The following DENND4A variants were observed in gnomAD, a reference collection of about 807,000 sequenced individuals.
The protein encoded by DENND4A is DENN domain containing 4A, also known as C-myc promoter-binding protein.
In DENND4A, 70 loss-of-function variants were observed where a neutral mutation model predicts 199.3. The ratio of observed to expected loss-of-function variants is 0.35; its 90% confidence interval spans 0.29 to 0.43. The LOEUF (loss-of-function observed/expected upper bound fraction) is 0.43. Among genes scored for constraint, DENND4A ranks in the 20% least tolerant of loss-of-function variants. The pLI is 1.00. For missense variants in DENND4A, 1,723 were observed against 2,255.8 expected, an observed-to-expected ratio of 0.76 and a Z score of 4.78; for synonymous variants, 686 against 766.9, an observed-to-expected ratio of 0.89 and a Z score of 1.74.
At chr15:65,681,939 T>C (rs970671796) in intron 23 of DENND4A, among the ~76,000 whole-genome samples, 3 of 152,228 alleles carry the variant, frequency 2.0e-5, no homozygotes, top group African/African-American at 4.8e-5. Context: ...GAAATAAATA[T>C]ATTTTTTCTG....
rs756713180 is a variant in DENND4A, at chr15:65,722,930, A to G, written c.1506T>C (p.Asn502=). Residue 502 remains asparagine (N), a synonymous_variant, in exon 12 of 33, where the codon AAT becomes AAC. Transcript: ENST00000443035. ...TCTTTGGAAGTATCTTCCAGGCTAC[A>G]TTTTTCTTGTCACCAATTCTAAGAT... ...NTISQIGDKK[N]VAWKILPKKP... 9 of 1,606,258 alleles carry G rather than the reference A, an allele frequency of 5.6e-6. No individual in the cohort carries two copies. The South Asian group carries it at 8.9e-5, about 16-fold the overall frequency.
chr15:65,703,407 T>C (rs2074940762), intron 15 of DENND4A, among the ~76,000 whole-genome samples: 1 of 152,220 alleles, frequency 6.6e-6, no homozygotes, highest in Non-Finnish European at 1.5e-5. Context: ...ATTAATGTCA[T>C]TGCTTTGGAT....
At chr15:65,731,134 G>GA (rs1042693797) in intron 9 of DENND4A, among the ~76,000 whole-genome samples, 1 of 151,920 alleles carries the variant, frequency 6.6e-6, no homozygotes, top group Non-Finnish European at 1.5e-5. Flanking sequence ...TTTCTCTGAT[G>GA]AAAAAATTAC....
At chr15:65,751,442 G>A (rs1240320244) in intron 4 of DENND4A, among the ~76,000 whole-genome samples, 1 of 152,108 alleles carries the variant, frequency 6.6e-6, no homozygotes, top group East Asian at 1.9e-4. Context: ...ATTCAAGAAG[G>A]GATGATGAAT....
rs540066830 is a variant in DENND4A, at chr15:65,680,738, C to G, written c.4180-4104G>C. On this transcript the variant is annotated intron_variant, in intron 23 of 32. Coordinates refer to ENST00000443035, the MANE Select transcript of DENND4A (RefSeq NM_001320835.1). ...TCAGTTCCAGACCACCTCAACAAAACAAATGTCGCAATAAAGCAAACCACA... is the reference window on the plus strand; with the variant it reads ...TCAGTTCCAGACCACCTCAACAAAAGAAATGTCGCAATAAAGCAAACCACA... The G allele has an allele frequency of 5.7e-3, 861 of 152,190 alleles. 10 individuals are homozygous for G. Among genetic ancestry groups the G allele is most frequent in the African/African-American group, 0.02 (823 of 41,526 alleles). 9.4% of individuals were successfully genotyped at this position (152,190 alleles called of 1,614,324 possible). A position where few individuals can be genotyped will look rare whatever the true frequency, so the allele number is the denominator to read the frequency against.
chr15:65,676,327 A>G (rs2076383049), intron 24 of DENND4A, 118 bp downstream of exon 24: 2 of 938,352 alleles, frequency 2.1e-6, no homozygotes, highest in Non-Finnish European at 3.0e-6. Context: ...CTTTGGAACT[A>G]TACAAATTGT....
intron 19 of DENND4A, among the ~76,000 whole-genome samples, 179 bp from the exon 20 acceptor site, chr15:65,700,854 C>A (rs753567610): frequency 6.6e-6 from 1 of 152,164 alleles, no homozygotes; most frequent in African/African-American, 2.4e-5. Flanking sequence ...AAAACACACA[C>A]AAAGGTCGTC....
chr15:65,777,580 T>C (rs1025782145), intron 1 of DENND4A, among the ~76,000 whole-genome samples: 1 of 152,124 alleles, frequency 6.6e-6, no homozygotes, highest in Non-Finnish European at 1.5e-5. Context: ...CTCGAACTGC[T>C]GATCTCAAGT....
Position 65,659,314 on chromosome 15 carries a change from A to G in DENND4A, c.*2537T>C, listed in dbSNP as rs1275518357. 1.7e-5 allele frequency: 1 copy of G among 60,520 alleles called. No homozygotes were observed. The highest frequency in any genetic ancestry group is 3.6e-5 in the Non-Finnish European group (1 of 27,550). 3.7% of individuals were successfully genotyped at this position (60,520 alleles called of 1,614,324 possible). ...TATAGAGTTATTTTAAATGATTGATATTTTCTGGTTTTTTTTTTTTTTTTT... is the reference window on the plus strand; with the variant it reads ...TATAGAGTTATTTTAAATGATTGATGTTTTCTGGTTTTTTTTTTTTTTTTT... On this transcript the variant is annotated 3_prime_UTR_variant, in exon 33 of 33. Transcript: ENST00000443035.
intron 23 of DENND4A, among the ~76,000 whole-genome samples, chr15:65,677,834 T>A (rs2076434068): frequency 6.6e-6 from 1 of 152,214 alleles, no homozygotes; most frequent in South Asian, 2.1e-4. Context: ...ACTGGTCCAT[T>A]TATCTGTTTT....
rs1376147937 is a variant in DENND4A, at chr15:65,664,713, T to C, written c.5369A>G (p.Tyr1790Cys). ...TTTTTGCAATAAATGGACCATTGGA[T>C]ATTTTTGGGCTGTAAACGAACAAAA... ...YILWNAHTQK[Y>C]PMVHLLQKSD... Residue 1790 changes from tyrosine to cysteine, a missense_variant, in exon 31 of 33, where the codon TAT (tyrosine) becomes TGT (cysteine). Tyr to Cys is a radical substitution (Grantham distance 194). Around this residue, in one of 6 missense-constraint regions of DENND4A, gnomAD observed 164 missense variants for 280.1 expected, o/e 0.59. Transcript: ENST00000443035. The C allele has an allele frequency of 6.2e-7, 1 of 1,611,358 alleles. No homozygotes were observed.
intron 1 of DENND4A, among the ~76,000 whole-genome samples, chr15:65,781,387 A>T (rs988193134): frequency 6.6e-6 from 1 of 152,230 alleles, no homozygotes; most frequent in Non-Finnish European, 1.5e-5. Flanking sequence ...GAGAAGGTGA[A>T]TCTCAAGGAG....
At chr15:65,785,430 C>A (rs1457105700) in intron 1 of DENND4A, among the ~76,000 whole-genome samples, 2 of 147,304 alleles carry the variant, frequency 1.4e-5, no homozygotes, top group African/African-American at 5.1e-5. Context: ...GTTGAGGTTG[C>A]AGTGAGCCAT....
At chr15:65,716,515 A>G (rs933189256) in intron 13 of DENND4A, among the ~76,000 whole-genome samples, 3 of 150,624 alleles carry the variant, frequency 2.0e-5, no homozygotes, top group Non-Finnish European at 4.4e-5. Flanking sequence ...TTGTCCTTGC[A>G]ACAGTTTACT....
chr15:65,727,988 T>C (rs1323240086), intron 11 of DENND4A, among the ~76,000 whole-genome samples: 1 of 151,942 alleles, frequency 6.6e-6, no homozygotes, highest in Non-Finnish European at 1.5e-5. Flanking sequence ...TTTACTATGA[T>C]GAGTTTTTTT....
chr15:65,746,243 C>G (rs2076387039), intron 4 of DENND4A, among the ~76,000 whole-genome samples: 1 of 151,954 alleles, frequency 6.6e-6, no homozygotes, highest in Admixed American at 6.6e-5. Context: ...ACTTTAAACT[C>G]TCTACCAATA....
At chr15:65,718,760 CTTTTTTTTTT>C (rs1038227560) in intron 12 of DENND4A, among the ~76,000 whole-genome samples, 9 of 67,768 alleles carry the variant, frequency 1.3e-4, no homozygotes, top group African/African-American at 2.0e-4. Context: ...GTTTTTTTTC[CTTTTTTTTTT>C]TTTTTTTTTT....
intron 1 of DENND4A, among the ~76,000 whole-genome samples, chr15:65,765,343 AT>A (rs1200717181): frequency 2.6e-5 from 4 of 152,248 alleles, no homozygotes; most frequent in Non-Finnish European, 5.9e-5. Context: ...ACAAAGTGAT[AT>A]ATGAATGTGC....
At chr15:65,790,405 A>G (rs945936714) in intron 1 of DENND4A, among the ~76,000 whole-genome samples, 1 of 152,220 alleles carries the variant, frequency 6.6e-6, no homozygotes, top group Non-Finnish European at 1.5e-5. Context: ...ACTGGTATCA[A>G]GATCAATTAA....
Sources: gnomAD v4.1 joint callset for allele counts (sites outside exome capture counted in the v4.1 genomes callset) on GRCh38, gnomAD v4.1.1 for gene constraint, gnomAD v4.1.1 regional missense constraint, MANE v1.5 for transcripts, NCBI Gene and HGNC (gene_info 2026-07-23, HGNC 2026-07-21) for gene names.